The following RBFOX1 variants were observed in gnomAD, a reference collection of about 807,000 sequenced individuals.
RBFOX1 encodes RNA binding protein fox-1 homolog 1.
A neutral mutation model predicts 57.7 loss-of-function variants in RBFOX1; 8 were observed. That is an observed-to-expected ratio of 0.14 (90% CI 0.08 to 0.25). The LOEUF (loss-of-function observed/expected upper bound fraction) is 0.25. Ranked by LOEUF, RBFOX1 falls within the 10% of genes least tolerant of loss-of-function variation. The pLI, the probability that RBFOX1 is intolerant of heterozygous loss-of-function variation, is 1.00. For missense variants in RBFOX1, 611 were observed against 548.5 expected, an observed-to-expected ratio of 1.11 and a Z score of -1.14; for synonymous variants, 326 against 222.4, an observed-to-expected ratio of 1.47 and a Z score of -4.15.
intron 4 of RBFOX1, among the ~76,000 whole-genome samples, chr16:5,939,271 T>C (rs550304035): frequency 1.3e-5 from 2 of 152,354 alleles, no homozygotes; most frequent in East Asian, 3.9e-4. Flanking sequence ...TATGTAATTG[T>C]CTAATAAATC....
In RBFOX1 at chr16:6,303,935, C is replaced by G. The variant is rs376129694; in HGVS notation, c.-126-13060C>G. Reference sequence around the variant, plus strand: ...CAAGTGATTCTCTTGCCTCAGCCTCCTGAGTGGCTGGGATTACAGGCACGC... The same window carrying G: ...CAAGTGATTCTCTTGCCTCAGCCTCGTGAGTGGCTGGGATTACAGGCACGC... On this transcript the variant is annotated intron_variant, in intron 1 of 15. Transcript: ENST00000550418. Among the ~76,000 whole-genome samples, 36 of 150,922 alleles carry G rather than the reference C, an allele frequency of 2.4e-4. No individual in the cohort carries two copies. The East Asian group carries it at 3.0e-3, about 13-fold the overall frequency.
At chr16:6,665,466 T>C (rs2098726167) in intron 3 of RBFOX1, among the ~76,000 whole-genome samples, 2 of 151,866 alleles carry the variant, frequency 1.3e-5, no homozygotes, top group Non-Finnish European at 1.5e-5. Flanking sequence ...ATAAAAAATA[T>C]AAAAAAATAT....
intron 2 of RBFOX1, among the ~76,000 whole-genome samples, chr16:5,579,513 C>T (rs557481341): frequency 2.9e-3 from 438 of 152,246 alleles, no homozygotes; most frequent in African/African-American, 0.01. Flanking sequence ...AACCCTCCTG[C>T]TGCTCACAGC....
At chr16:7,469,415 T>C (rs1249256202) in intron 4 of RBFOX1, among the ~76,000 whole-genome samples, 1 of 152,172 alleles carries the variant, frequency 6.6e-6, no homozygotes, top group East Asian at 1.9e-4. Context: ...TTGTCTCATC[T>C]TCAGACCTTT....
chr16:7,489,828 G>A (rs1049656331), intron 4 of RBFOX1, among the ~76,000 whole-genome samples: 1 of 151,698 alleles, frequency 6.6e-6, no homozygotes, highest in Non-Finnish European at 1.5e-5. Context: ...GCTAAGTTAT[G>A]CATATTATCT....
intron 1 of RBFOX1, among the ~76,000 whole-genome samples, chr16:6,244,069 T>G (rs192377582): frequency 6.6e-6 from 1 of 152,306 alleles, no homozygotes; most frequent in Non-Finnish European, 1.5e-5. Flanking sequence ...GAGTTGTATT[T>G]CCATATATCT....
At chr16:6,479,374 G>A (rs907593417) in intron 2 of RBFOX1, among the ~76,000 whole-genome samples, 4 of 152,128 alleles carry the variant, frequency 2.6e-5, no homozygotes, top group African/African-American at 4.8e-5. Context: ...GATCTCTTGA[G>A]GACAGGAGTT....
At chr16:7,633,802 T>A (rs1340878449) in intron 11 of RBFOX1, among the ~76,000 whole-genome samples, 1 of 152,186 alleles carries the variant, frequency 6.6e-6, no homozygotes, top group Non-Finnish European at 1.5e-5. Flanking sequence ...TATCCGCAAA[T>A]CCCTAAGACA....
chr16:6,660,037 C>G (rs1055019127), intron 3 of RBFOX1, among the ~76,000 whole-genome samples: 4 of 151,820 alleles, frequency 2.6e-5, no homozygotes, highest in Admixed American at 6.6e-5. Context: ...CCACCATGGC[C>G]AACATAGTGA....
At chr16:6,443,324 A>G (rs1189581481) in intron 2 of RBFOX1, among the ~76,000 whole-genome samples, 1 of 152,180 alleles carries the variant, frequency 6.6e-6, no homozygotes, top group East Asian at 1.9e-4. Context: ...TACTACAAGC[A>G]AAGCAAACAC....
chr16:5,991,000 A>T (rs1325562438), intron 4 of RBFOX1, among the ~76,000 whole-genome samples: 5 of 152,152 alleles, frequency 3.3e-5, no homozygotes, highest in Non-Finnish European at 7.4e-5. Context: ...ACATTTGGTT[A>T]TGCCTCCCAT....
intron 4 of RBFOX1, among the ~76,000 whole-genome samples, chr16:7,194,118 C>G (rs750279273): frequency 6.6e-6 from 1 of 152,098 alleles, no homozygotes; most frequent in African/African-American, 2.4e-5. Flanking sequence ...TTACCCTATT[C>G]GTGTCAATGA....
At chr16:6,952,347 C>T (rs762747159) in intron 3 of RBFOX1, among the ~76,000 whole-genome samples, 2 of 152,132 alleles carry the variant, frequency 1.3e-5, no homozygotes, top group Non-Finnish European at 2.9e-5. Context: ...TTAACTTAGA[C>T]CTGTTAGAAA....
At chr16:7,200,322 A>T (rs1035282242) in intron 4 of RBFOX1, among the ~76,000 whole-genome samples, 1 of 152,318 alleles carries the variant, frequency 6.6e-6, no homozygotes, top group East Asian at 1.9e-4. Flanking sequence ...TGGTGACACT[A>T]AGTTGGCCTG....
At chr16:7,143,659 GT>G (rs1157473903) in intron 4 of RBFOX1, among the ~76,000 whole-genome samples, 2 of 152,110 alleles carry the variant, frequency 1.3e-5, no homozygotes, top group Admixed American at 1.3e-4. Flanking sequence ...AAACCTGGGA[GT>G]TCAGCTCTCT....
At position 6,937,409 on chromosome 16, in the gene RBFOX1, T is replaced by A. The variant is rs563441403; in HGVS notation, c.-15-114648T>A. On this transcript the variant is annotated intron_variant, in intron 3 of 15. Transcript: ENST00000550418. ...AGTCTTATTAATGTAGACTTTTTTT[T>A]TATAGTTTTCTATGTGTTGGCCATT... Among the ~76,000 whole-genome samples, 61 of 152,310 alleles carry A rather than the reference T, an allele frequency of 4.0e-4. 2 individuals are homozygous for A. The highest frequency in any genetic ancestry group is 1.4e-3 in the African/African-American group (57 of 41,560).
intron 4 of RBFOX1, among the ~76,000 whole-genome samples, chr16:5,984,822 G>T (rs1236384402): frequency 1.3e-5 from 2 of 151,630 alleles, no homozygotes; most frequent in African/African-American, 2.4e-5. Context: ...GCGTTTTTCT[G>T]TACTGAATAC....
chr16:6,398,965 G>T (rs1255163698), intron 2 of RBFOX1, among the ~76,000 whole-genome samples: 1 of 152,334 alleles, frequency 6.6e-6, no homozygotes, highest in African/African-American at 2.4e-5. Context: ...CCCAGTAGCA[G>T]ACTTTTGCCC....
intron 1 of RBFOX1, among the ~76,000 whole-genome samples, chr16:5,466,319 A>C (rs767087213): frequency 9.2e-5 from 14 of 151,916 alleles, no homozygotes; most frequent in Non-Finnish European, 1.8e-4. Context: ...CAAGCAACTG[A>C]CTCAGCCTTC....
Sources: allele counts gnomAD v4.1 joint callset (sites outside exome capture counted in the v4.1 genomes callset), GRCh38; gene constraint gnomAD v4.1.1; transcripts MANE v1.5; gene names NCBI Gene and HGNC (gene_info 2026-07-23, HGNC 2026-07-21).